The following LPP variants were observed in gnomAD, a reference collection of about 807,000 sequenced individuals.
The protein encoded by LPP is lipoma-preferred partner.
In LPP, 38 loss-of-function variants were observed where a neutral mutation model predicts 60.4. The ratio of observed to expected loss-of-function variants is 0.63; its 90% CI spans 0.49 to 0.83. The LOEUF (loss-of-function observed/expected upper bound fraction) is 0.83, where lower values mean the gene tolerates loss of function less well. Among genes scored for constraint, LPP ranks in the 40% least tolerant of loss-of-function variants. LPP has a pLI of 0.00. For missense variants in LPP, 902 were observed against 783.6 expected (o/e 1.15, Z -1.80); for synonymous variants, 328 against 290.8 (o/e 1.13, Z -1.30).
At chr3:188,865,890 G>A (rs1766452577) in intron 9 of LPP, among the ~76,000 whole-genome samples, 1 of 152,192 alleles carries the variant, frequency 6.6e-6, no homozygotes, top group African/African-American at 2.4e-5. Flanking sequence ...GAAAACACAT[G>A]TCCTCAGTTC....
At chr3:188,729,822 GAA>G (rs201767392) in intron 8 of LPP, among the ~76,000 whole-genome samples, 1 of 137,654 alleles carries the variant, frequency 7.3e-6, no homozygotes. Flanking sequence ...TACAAAAAGT[GAA>G]AAAAAAAAAA....
In LPP at chr3:188,609,597, A is replaced by T; in HGVS notation, c.866A>T (p.Tyr289Phe). ...CTTCAGCCGGAGCCTGGGTATGGGT[A>T]TGCCCCCAACCAGGGACGCTATTAT... ...PGLQPEPGYGYAPNQGRYYEG... is the reference protein window; with the variant it reads ...PGLQPEPGYGFAPNQGRYYEG... Residue 289 changes from tyrosine (Y) to phenylalanine (F), a missense_variant, in exon 7 of 12, where the codon TAT (tyrosine) becomes TTT (phenylalanine). By Grantham distance (22) the Tyr-to-Phe change is conservative. Transcript: ENST00000617246. This position sits in a 1 kb window ranked among gnomAD's most constrained non-coding sequence, Gnocchi z 6.9. 6.2e-7 allele frequency: 1 copy of T among 1,614,158 alleles called. No individual in the cohort carries two copies. The highest frequency in any genetic ancestry group is 8.5e-7 in the Non-Finnish European group (1 of 1,180,034).
At chr3:188,546,461 C>T (rs963666940) in intron 6 of LPP, among the ~76,000 whole-genome samples, 1 of 152,154 alleles carries the variant, frequency 6.6e-6, no homozygotes, top group South Asian at 2.1e-4. Flanking sequence ...CTGAGCTTGT[C>T]CCTAAGTGCT....
Position 188,156,854 on chromosome 3 carries a change from C to CG in LPP, c.-190+2602_-190+2603insG, listed in dbSNP as rs533685801. ...TCCATTTCCTCTGCTGCGCCCCACC[C>CG]CCCCAAGAAAAATAATATTATCAAT... On this transcript the variant is annotated intron_variant, in intron 1 of 11. Transcript: ENST00000617246. 7.7e-4 allele frequency among the ~76,000 whole-genome samples: 117 copies of CG among 151,530 alleles called. 6 individuals are homozygous for CG. In the South Asian group the frequency reaches 0.023, roughly 30 times the overall value.
chr3:188,248,497 T>TATATATATATATAC (rs1288280759), intron 2 of LPP, among the ~76,000 whole-genome samples: 1 of 140,724 alleles, frequency 7.1e-6, no homozygotes, highest in Non-Finnish European at 1.5e-5. Flanking sequence ...TATATATATA[T>TATATATATATATAC]ACAGTCAGCA....
chr3:188,680,813 T>C (rs1400075848), intron 7 of LPP, among the ~76,000 whole-genome samples: 1 of 152,104 alleles, frequency 6.6e-6, no homozygotes, highest in African/African-American at 2.4e-5. Flanking sequence ...ACCTCAAACT[T>C]TGAAATCTGG....
chr3:188,639,869 C>CA (rs1426883972), intron 7 of LPP, among the ~76,000 whole-genome samples: 3 of 152,178 alleles, frequency 2.0e-5, no homozygotes, highest in Non-Finnish European at 4.4e-5. Context: ...CAGGAAACTA[C>CA]AGGTGCTGGA....
intron 5 of LPP, among the ~76,000 whole-genome samples, chr3:188,503,478 T>A (rs1015847387): frequency 2.0e-4 from 31 of 152,158 alleles, no homozygotes; most frequent in African/African-American, 7.2e-4. Flanking sequence ...ATTACAATGA[T>A]GTTAGCTCTT....
intron 2 of LPP, among the ~76,000 whole-genome samples, chr3:188,244,981 G>T (rs1203216386): frequency 1.3e-5 from 2 of 152,130 alleles, no homozygotes; most frequent in African/African-American, 2.4e-5. Context: ...CGTGTCTAAT[G>T]GGTGGCTACC....
chr3:188,429,722 G>A (rs1022061481), intron 4 of LPP, among the ~76,000 whole-genome samples: 1 of 152,040 alleles, frequency 6.6e-6, no homozygotes, highest in Admixed American at 6.6e-5. Flanking sequence ...TTCTTTAAGC[G>A]GAATAGTTCC....
chr3:188,753,580 C>CGTGCGTGTGTGT (rs367698835), intron 8 of LPP, among the ~76,000 whole-genome samples: 34 of 139,626 alleles, frequency 2.4e-4, no homozygotes, highest in African/African-American at 9.2e-4. Flanking sequence ...TTGTTGTGTG[C>CGTGCGTGTGTGT]GTGTGTGTGT....
At chr3:188,368,540 A>C (rs1771896971) in intron 3 of LPP, among the ~76,000 whole-genome samples, 1 of 152,118 alleles carries the variant, frequency 6.6e-6, no homozygotes, top group Non-Finnish European at 1.5e-5. Context: ...GTTACTGACA[A>C]AATCAGAACT....
chr3:188,654,310 AC>A (rs1246243932), intron 7 of LPP, among the ~76,000 whole-genome samples: 1 of 152,214 alleles, frequency 6.6e-6, no homozygotes, highest in Non-Finnish European at 1.5e-5. Context: ...ACAATCAGTG[AC>A]CTCAGGGAAA....
intron 9 of LPP, among the ~76,000 whole-genome samples, chr3:188,830,438 A>G (rs1442208964): frequency 6.6e-6 from 1 of 151,906 alleles, no homozygotes; most frequent in African/African-American, 2.4e-5. Context: ...CCTCGTCTCT[A>G]CTAAAAAAGT....
At chr3:188,639,510 A>AT in intron 7 of LPP, among the ~76,000 whole-genome samples, 1 of 151,880 alleles carries the variant, frequency 6.6e-6, no homozygotes. Flanking sequence ...GACAAAATTG[A>AT]CAAATGGGAT....
rs149283488 is a variant in LPP at position 188,717,767 on chromosome 3, G to A, written c.1240+9374G>A. Among the ~76,000 whole-genome samples, 264 of 152,272 alleles carry A rather than the reference G, an allele frequency of 1.7e-3. 3 individuals carry two copies. The highest frequency in any genetic ancestry group is 2.5e-3 in the Non-Finnish European group (169 of 68,020). On this transcript the variant is annotated intron_variant, in intron 8 of 11. Coordinates refer to ENST00000617246, the MANE Select transcript of LPP (RefSeq NM_001375462.1). ...TAAATAATAATTCTGAGCATTTTAT[G>A]TGTTCTATCTTAGCATACATTAATT...
chr3:188,324,094 A>G (rs1341863267), intron 2 of LPP, among the ~76,000 whole-genome samples: 1 of 152,150 alleles, frequency 6.6e-6, no homozygotes, highest in Non-Finnish European at 1.5e-5. Flanking sequence ...TTTTATAGGG[A>G]TAGGTTGTGG....
intron 9 of LPP, among the ~76,000 whole-genome samples, chr3:188,794,431 G>T (rs1744724217): frequency 1.3e-5 from 2 of 152,028 alleles, no homozygotes; most frequent in Admixed American, 1.3e-4. Context: ...TAAGTTTCTG[G>T]CATATTCTGA....
intron 6 of LPP, among the ~76,000 whole-genome samples, chr3:188,601,329 C>T (rs758722932): frequency 1.3e-5 from 2 of 152,094 alleles, no homozygotes; most frequent in East Asian, 3.9e-4. Context: ...CATTTATGCT[C>T]TCTGGTCATT....
Sources: gnomAD v4.1 joint callset for allele counts (sites outside exome capture counted in the v4.1 genomes callset) on GRCh38, gnomAD v4.1.1 for gene constraint, Gnocchi (gnomAD v3.1) non-coding constraint, MANE v1.5 for transcripts, NCBI Gene and HGNC (gene_info 2026-07-23, HGNC 2026-07-21) for gene names.